Variants in PDE10A observed in about 807,000 individuals in gnomAD.
PDE10A encodes the protein cAMP and cAMP-inhibited cGMP 3',5'-cyclic phosphodiesterase 10A.
Under a neutral mutation model 97.7 loss-of-function variants are expected in PDE10A, and 39 were observed. That is an observed-to-expected ratio of 0.40 (90% CI 0.31 to 0.52). The LOEUF is 0.52. Among genes scored for constraint, PDE10A ranks in the 20% least tolerant of loss-of-function variants. PDE10A has a pLI of 0.56. For missense variants in PDE10A, 731 were observed against 1,047.8 expected (o/e 0.70, Z 4.17); for synonymous variants, 371 against 376.8 (o/e 0.98, Z 0.18).
chr6:165,730,942 A>C (rs985877665), intron 1 of PDE10A, among the ~76,000 whole-genome samples: 1 of 151,980 alleles, frequency 6.6e-6, no homozygotes, highest in African/African-American at 2.4e-5. Context: ...GCTACTCCGG[A>C]GGCTGAGGCA....
chr6:165,901,235 C>T (rs1185026256), intron 1 of PDE10A, among the ~76,000 whole-genome samples: 2 of 152,216 alleles, frequency 1.3e-5, no homozygotes, highest in Non-Finnish European at 2.9e-5. Flanking sequence ...TGTGCTCCCC[C>T]AAGGCTAGCT....
intron 1 of PDE10A, among the ~76,000 whole-genome samples, chr6:165,906,797 G>A (rs1015929008): frequency 6.6e-6 from 1 of 152,224 alleles, no homozygotes; most frequent in Non-Finnish European, 1.5e-5. Context: ...GTTCTAAGAG[G>A]CACTGAAGAA....
chr6:165,763,334 T>A (rs953527359), intron 1 of PDE10A, among the ~76,000 whole-genome samples: 3 of 152,202 alleles, frequency 2.0e-5, no homozygotes, highest in Admixed American at 6.5e-5. Flanking sequence ...TTTGTTTGTT[T>A]GTTTTTGAGA....
At chr6:165,890,001 C>CACTCACT (rs1781744201) in intron 1 of PDE10A, among the ~76,000 whole-genome samples, 1 of 126,846 alleles carries the variant, frequency 7.9e-6, no homozygotes, top group Non-Finnish European at 1.7e-5. Context: ...ACTCCTCCCT[C>CACTCACT]CCTCACTCCT....
chr6:165,783,220 T>C (rs966418940), intron 1 of PDE10A, among the ~76,000 whole-genome samples: 2 of 152,234 alleles, frequency 1.3e-5, no homozygotes, highest in African/African-American at 2.4e-5. Context: ...AGAGGGCACC[T>C]CATCACACTT....
chr6:165,965,078 G>A (rs962953698), intron 1 of PDE10A, among the ~76,000 whole-genome samples: 5 of 152,262 alleles, frequency 3.3e-5, no homozygotes, highest in African/African-American at 1.2e-4. Context: ...ACAGGGCACA[G>A]TGCAGATGTG....
At chr6:165,380,779 C>T (rs545326007) in intron 17 of PDE10A, among the ~76,000 whole-genome samples, 1 of 152,280 alleles carries the variant, frequency 6.6e-6, no homozygotes, top group South Asian at 2.1e-4. Flanking sequence ...CATCCAAGCT[C>T]GACTCTCTTC....
In PDE10A at chr6:165,711,740, CTG is replaced by C. The variant is rs374635815; in HGVS notation, c.-614-168174_-614-168173del. On this transcript the variant is annotated intron_variant, in intron 1 of 19. Transcript: ENST00000366882. This position sits in a 1 kb window ranked among gnomAD's most constrained non-coding sequence, Gnocchi z 4.5. ...AAGCCTGTTCAGAACAACCCAGGAA[CTG>C]TGCTAATTCACTCGTCAGACCAGCG... 6.6e-5 allele frequency among the ~76,000 whole-genome samples: 10 copies of C among 152,346 alleles called. No homozygotes were observed. The highest frequency in any genetic ancestry group is 3.4e-3 in the Middle Eastern group (1 of 294).
rs550399170 is a variant in PDE10A at position 165,474,954 on chromosome 6, G to A, written c.1023+7361C>T. The stretch of plus-strand genomic sequence containing the variant: ...AGTGTTTTTGGGCTACTGCTTTTTC[G>A]AGCTTCCATCAAACAACAGGAAAAT... On this transcript the variant is annotated intron_variant, in intron 3 of 21. Transcript: ENST00000539869. Among the ~76,000 whole-genome samples, 8 of 152,094 alleles carry A rather than the reference G, an allele frequency of 5.3e-5. No individual in the cohort carries two copies. In the East Asian group the frequency reaches 1.5e-3, roughly 29 times the overall value.
chr6:165,934,320 T>C (rs1205182181), intron 1 of PDE10A, among the ~76,000 whole-genome samples: 1 of 151,928 alleles, frequency 6.6e-6, no homozygotes, highest in Non-Finnish European at 1.5e-5. Flanking sequence ...GTTTTGAAGA[T>C]TTGTCATCAC....
At chr6:165,843,716 C>T (rs1780324793) in intron 1 of PDE10A, among the ~76,000 whole-genome samples, 1 of 152,162 alleles carries the variant, frequency 6.6e-6, no homozygotes, top group South Asian at 2.1e-4. Context: ...TTGGGGGACA[C>T]ATTCAGGCCA....
At chr6:165,910,457 G>A (rs939845008) in intron 1 of PDE10A, among the ~76,000 whole-genome samples, 6 of 152,112 alleles carry the variant, frequency 3.9e-5, no homozygotes, top group Non-Finnish European at 5.9e-5. Flanking sequence ...AGATTCACAA[G>A]GCAACTCATA....
At chr6:165,340,493 T>A (rs1045360381) in intron 19 of PDE10A, among the ~76,000 whole-genome samples, 1 of 152,222 alleles carries the variant, frequency 6.6e-6, no homozygotes, top group African/African-American at 2.4e-5. Flanking sequence ...CCACTTTAAA[T>A]TTAAAATCAG....
chr6:165,484,765 G>A (rs1779805240), intron 2 of PDE10A, among the ~76,000 whole-genome samples: 1 of 152,138 alleles, frequency 6.6e-6, no homozygotes, highest in Non-Finnish European at 1.5e-5. Flanking sequence ...TGCATCTGGT[G>A]GCAGCTTTAA....
At position 165,530,602 on chromosome 6, in the gene PDE10A, C is replaced by T. The variant is rs374011327; in HGVS notation, c.994+12838G>A. On this transcript the variant is annotated intron_variant, in intron 2 of 21. Coordinates refer to ENST00000539869, the MANE Select transcript of PDE10A (RefSeq NM_001385079.1). ...GCAACAGACCCATGTAAAACACCTG[C>T]ACATGTACCCCCCCCACGAATCTAA... 4.1e-4 allele frequency among the ~76,000 whole-genome samples: 24 copies of T among 58,436 alleles called. 1 individual carries two copies. The highest frequency in any genetic ancestry group is 7.6e-4 in the African/African-American group (24 of 31,664). 38.3% of individuals were successfully genotyped at this position (58,436 alleles called of 152,430 possible). A position where few individuals can be genotyped will look rare whatever the true frequency, so the allele number is the denominator to read the frequency against.
At chr6:165,342,875 G>A (rs918949597) in intron 19 of PDE10A, among the ~76,000 whole-genome samples, 1 of 152,204 alleles carries the variant, frequency 6.6e-6, no homozygotes, top group African/African-American at 2.4e-5. Context: ...AGTCATTTAC[G>A]TGTTGTTTCA....
intron 1 of PDE10A, among the ~76,000 whole-genome samples, chr6:165,924,980 G>A (rs1300433579): frequency 6.7e-6 from 1 of 150,294 alleles, no homozygotes; most frequent in African/African-American, 2.4e-5. Flanking sequence ...GAAAAGGCAA[G>A]CTACAGACTG....
At position 165,331,899 on chromosome 6, in the gene PDE10A, T is replaced by G. The variant is rs1781364805; in HGVS notation, c.*1126A>C. On this transcript the variant is annotated 3_prime_UTR_variant, in exon 22 of 22. Transcript: ENST00000539869. Reference sequence around the variant, plus strand: ...CCAACATGATTGTACTACTTTCTGCTCTGTTTCTGTGCTATGGACAGAAAG... The same window carrying G: ...CCAACATGATTGTACTACTTTCTGCGCTGTTTCTGTGCTATGGACAGAAAG... The G allele has an allele frequency of 6.6e-6, 1 of 152,182 alleles. No individual in the cohort carries two copies. Among genetic ancestry groups the G allele is most frequent in the African/African-American group, 2.4e-5 (1 of 41,454 alleles). 9.4% of individuals were successfully genotyped at this position (152,182 alleles called of 1,614,324 possible).
At chr6:165,743,715 G>A (rs1207827899) in intron 1 of PDE10A, among the ~76,000 whole-genome samples, 1 of 152,174 alleles carries the variant, frequency 6.6e-6, no homozygotes, top group Non-Finnish European at 1.5e-5. Flanking sequence ...ATAGATTCAT[G>A]TACTGCATTA....
Sources: gnomAD v4.1 joint callset for allele counts (sites outside exome capture counted in the v4.1 genomes callset) on GRCh38, gnomAD v4.1.1 for gene constraint, Gnocchi (gnomAD v3.1) non-coding constraint, MANE v1.5 for transcripts, NCBI Gene and HGNC (gene_info 2026-07-23, HGNC 2026-07-21) for gene names.